ARHGAP29: variants seen among roughly 807,000 people sequenced by gnomAD.
The protein encoded by ARHGAP29 is Rho GTPase activating protein 29.
In ARHGAP29, 43 loss-of-function variants were observed where a neutral mutation model predicts 122.6. The observed-to-expected ratio is 0.35, with a 90% CI of 0.27 to 0.45. The LOEUF (loss-of-function observed/expected upper bound fraction) is 0.45, where lower values mean the gene tolerates loss of function less well. ARHGAP29 is among the 20% of genes least tolerant of loss of function. The pLI is 1.00. For missense variants in ARHGAP29, 1,303 were observed against 1,477.2 expected, an observed-to-expected ratio of 0.88 and a Z score of 1.93; for synonymous variants, 506 against 497.1, an observed-to-expected ratio of 1.02 and a Z score of -0.24.
chr1:94,203,615 T>A (rs1338793309), intron 8 of ARHGAP29, among the ~76,000 whole-genome samples: 1 of 152,086 alleles, frequency 6.6e-6, no homozygotes, highest in Non-Finnish European at 1.5e-5. Context: ...GCACCTATAG[T>A]CCCAGGTCAT....
chr1:94,218,039 T>C (rs1277723135), intron 3 of ARHGAP29, among the ~76,000 whole-genome samples: 1 of 152,182 alleles, frequency 6.6e-6, no homozygotes, highest in Non-Finnish European at 1.5e-5. Flanking sequence ...ACCCTCTGCC[T>C]TTCCAGGTTT....
chr1:94,206,348 T>C (rs567323524), intron 5 of ARHGAP29, among the ~76,000 whole-genome samples: 1 of 152,280 alleles, frequency 6.6e-6, no homozygotes, highest in South Asian at 2.1e-4. Context: ...TTTGAGATCT[T>C]AAACAAATTT....
intron 2 of ARHGAP29, among the ~76,000 whole-genome samples, chr1:94,224,055 G>A (rs1030183169): frequency 3.3e-5 from 5 of 151,980 alleles, no homozygotes; most frequent in Admixed American, 3.3e-4. Context: ...GTGATCCACC[G>A]GCCTTGGCCT....
chr1:94,248,466 CACTT>C (rs1288877114), intron 1 of ARHGAP29, among the ~76,000 whole-genome samples: 4 of 152,168 alleles, frequency 2.6e-5, no homozygotes, highest in African/African-American at 4.8e-5. Flanking sequence ...ATATTAGTAA[CACTT>C]ACCAACTCTA....
intron 2 of ARHGAP29, among the ~76,000 whole-genome samples, chr1:94,228,067 G>T (rs1006087721): frequency 6.6e-6 from 1 of 151,646 alleles, no homozygotes; most frequent in Non-Finnish European, 1.5e-5. Context: ...ACCCCAGCAA[G>T]AATAGAATAT....
the ARHGAP29 span, among the ~76,000 whole-genome samples, chr1:94,283,382 T>C: frequency 6.6e-6 from 1 of 152,146 alleles, no homozygotes; most frequent in Non-Finnish European, 1.5e-5. Context: ...GGTGCTACCC[T>C]TGTGACTCCC....
At chr1:94,313,226 G>A in the ARHGAP29 span, among the ~76,000 whole-genome samples, 36 of 151,926 alleles carry the variant, frequency 2.4e-4, no homozygotes, top group Admixed American at 2.0e-4. Context: ...CTCTCTGCCC[G>A]AGATGCTCTT....
At position 94,169,638 on chromosome 1, in the gene ARHGAP29, G is replaced by C. The variant is rs151267917; in HGVS notation, c.*4231C>G. On this transcript the variant is annotated 3_prime_UTR_variant, in exon 23 of 23. Coordinates refer to ENST00000260526, the MANE Select transcript of ARHGAP29 (RefSeq NM_004815.4). ...TATTCTTGAATGTGTGTAGACACAC[G>C]TTTTCCTTTGAGCTGTTCACCAATA... Among the ~76,000 whole-genome samples the C allele has an allele frequency of 6.6e-6, 1 of 152,152 alleles. No homozygotes were observed. Among genetic ancestry groups the C allele is most frequent in the Non-Finnish European group, 1.5e-5 (1 of 68,020 alleles).
rs1405710029 is a variant in ARHGAP29, at chr1:94,249,180, C to T, written c.-32-17537G>A. On this transcript the variant is annotated intron_variant and NMD_transcript_variant, in intron 1 of 25. Coordinates refer to the ARHGAP29 transcript ENST00000552844. ...CATGTGCCCTGAATCATCTTATAAGCCAACTAGGTTTTTTACCTATAAATG... is the reference window on the plus strand; with the variant it reads ...CATGTGCCCTGAATCATCTTATAAGTCAACTAGGTTTTTTACCTATAAATG... Among the ~76,000 whole-genome samples, 9 of 152,292 alleles carry T rather than the reference C, an allele frequency of 5.9e-5. No individual in the cohort carries two copies. The East Asian group carries it at 1.4e-3, about 23-fold the overall frequency.
At chr1:94,307,756 T>A in the ARHGAP29 span, among the ~76,000 whole-genome samples, 2 of 152,228 alleles carry the variant, frequency 1.3e-5, no homozygotes, top group African/African-American at 4.8e-5. Context: ...TGTCTACTAC[T>A]CATCAATTTT....
intron 1 of ARHGAP29, among the ~76,000 whole-genome samples, chr1:94,251,836 TACTC>T (rs1311104469): frequency 6.6e-6 from 1 of 152,234 alleles, no homozygotes; most frequent in Non-Finnish European, 1.5e-5. Context: ...CTTTCTTCCT[TACTC>T]TGCTTTAATT....
chr1:94,210,994 G>C (rs1651563618), intron 3 of ARHGAP29, among the ~76,000 whole-genome samples: 1 of 151,314 alleles, frequency 6.6e-6, no homozygotes, highest in Non-Finnish European at 1.5e-5. Flanking sequence ...TTCATCAAAA[G>C]GACATAACAG....
At chr1:94,305,164 C>T in the ARHGAP29 span, among the ~76,000 whole-genome samples, 1 of 152,324 alleles carries the variant, frequency 6.6e-6, no homozygotes, top group East Asian at 1.9e-4. Context: ...AATGCTGTCC[C>T]TCACCTCCAG....
rs200661529 is a variant in ARHGAP29, at chr1:94,174,208, G to A, written c.3447C>T (p.Leu1149=). 3 of 1,614,162 alleles carry A rather than the reference G, an allele frequency of 1.9e-6. No individual in the cohort carries two copies. The highest frequency in any genetic ancestry group is 2.2e-5 in the East Asian group (1 of 44,880). ...GTGTTCTGGGTGCTCTGACAGGAGCGAGAGGGTAGGAATCTGAAGACCGTC... is the reference window on the plus strand; with the variant it reads ...GTGTTCTGGGTGCTCTGACAGGAGCAAGAGGGTAGGAATCTGAAGACCGTC... The part of the protein sequence containing the change: ...SERRSSDSYP[L]APVRAPRTLQ... The change falls in exon 23 of 23, where the codon CTC becomes CTT. Residue 1149 remains leucine (L), a synonymous_variant. Coordinates refer to ENST00000260526, the MANE Select transcript of ARHGAP29 (RefSeq NM_004815.4).
Position 94,203,913 on chromosome 1 carries a change from G to A in ARHGAP29, c.762+17C>T. On this transcript the variant is annotated intron_variant, in intron 8 of 22. Transcript: ENST00000260526. ...AGTTTCTTATTATAGAACCCCCGAA[G>A]TTCACAGAACACTTACCTGAATTCC... is the stretch of plus-strand genomic sequence containing the variant. 1 of 1,611,828 alleles carries A rather than the reference G, an allele frequency of 6.2e-7. No individual in the cohort carries two copies. The highest frequency in any genetic ancestry group is 8.5e-7 in the Non-Finnish European group (1 of 1,178,496).
chr1:94,189,013 C>G, intron 14 of ARHGAP29, 72 bp from the exon 15 acceptor site: 1 of 1,450,956 alleles, frequency 6.9e-7, no homozygotes, highest in Non-Finnish European at 9.5e-7. Flanking sequence ...GACATTCTAT[C>G]AAGTGAGACA....
intron 2 of ARHGAP29, among the ~76,000 whole-genome samples, chr1:94,228,983 C>T (rs1006795508): frequency 2.0e-5 from 3 of 151,718 alleles, no homozygotes; most frequent in South Asian, 2.1e-4. Context: ...GCTTAACAAA[C>T]GTGAATTAAA....
chr1:94,258,144 G>A (rs974370769), intron 1 of ARHGAP29, among the ~76,000 whole-genome samples: 48 of 152,188 alleles, frequency 3.2e-4, no homozygotes, highest in Admixed American at 4.6e-4. Flanking sequence ...GACCACTGGA[G>A]TCATGGGTAA....
At chr1:94,289,755 G>T in the ARHGAP29 span, among the ~76,000 whole-genome samples, 1 of 152,106 alleles carries the variant, frequency 6.6e-6, no homozygotes, top group African/African-American at 2.4e-5. Flanking sequence ...ATAATCATGT[G>T]GTTTTTGTGG....
Sources: allele counts gnomAD v4.1 joint callset (sites outside exome capture counted in the v4.1 genomes callset), GRCh38; gene constraint gnomAD v4.1.1; transcripts MANE v1.5; gene names NCBI Gene and HGNC (gene_info 2026-07-23, HGNC 2026-07-21).